IQCH: variants seen among roughly 807,000 people sequenced by gnomAD.
IQCH encodes the protein IQ motif containing H, also known as IQ domain-containing protein H.
IQCH carries 98 observed loss-of-function variants against 117.0 expected under a neutral mutation model. The ratio of observed to expected loss-of-function variants is 0.84; its 90% CI spans 0.71 to 0.99. IQCH has a LOEUF of 0.99. Ranked by LOEUF, IQCH falls within the 50% of genes least tolerant of loss-of-function variation. The pLI is 0.00. For synonymous variants in IQCH, 412 were observed against 448.2 expected, an observed-to-expected ratio of 0.92 and a Z score of 1.02; for missense variants, 1,102 against 1,243.8, an observed-to-expected ratio of 0.89 and a Z score of 1.72.
intron 16 of IQCH, among the ~76,000 whole-genome samples, chr15:67,437,822 G>A (rs573123120): frequency 1.3e-5 from 2 of 152,180 alleles, no homozygotes; most frequent in African/African-American, 2.4e-5. Flanking sequence ...ACAGGTCTTC[G>A]AATTAATGCA....
At chr15:67,335,321 A>G (rs972429160) in intron 4 of IQCH, among the ~76,000 whole-genome samples, 29 of 152,166 alleles carry the variant, frequency 1.9e-4, no homozygotes, top group African/African-American at 5.5e-4. Flanking sequence ...TTCTTTGTCA[A>G]AGGCTTTGAG....
rs1294508668 is a variant in IQCH at position 67,386,877 on chromosome 15, A to G, written c.1456+1858A>G. On this transcript the variant is annotated intron_variant, in intron 11 of 20. Transcript: ENST00000335894. The surrounding 1 kb of genome is among the most constrained non-coding windows in gnomAD (Gnocchi z 5.0). ...CCCACTAATACTGAATCTTAGAGTT[A>G]GTGATACGTATTCCTTTGCCAGAAA... is the stretch of plus-strand genomic sequence containing the variant. Among the ~76,000 whole-genome samples, 1 of 152,198 alleles carries G rather than the reference A, an allele frequency of 6.6e-6. No homozygotes were observed. Among genetic ancestry groups the G allele is most frequent in the Non-Finnish European group, 1.5e-5 (1 of 68,032 alleles).
At chr15:67,266,317 C>T (rs1965666355) in intron 3 of IQCH, among the ~76,000 whole-genome samples, 1 of 151,988 alleles carries the variant, frequency 6.6e-6, no homozygotes. Context: ...GTTGCTTAAT[C>T]TTGTTAATTA....
In IQCH at chr15:67,436,253, C is replaced by T. The variant is rs950254594; in HGVS notation, c.2505+14676C>T. Reference sequence around the variant, plus strand: ...CCAAATACTGTGAGTGCCCCAACTGCGGAAGTAGGAAAGGGAGACCCTCCT... The same window carrying T: ...CCAAATACTGTGAGTGCCCCAACTGTGGAAGTAGGAAAGGGAGACCCTCCT... On this transcript the variant is annotated intron_variant, in intron 16 of 20. Coordinates refer to ENST00000335894, the MANE Select transcript of IQCH (RefSeq NM_001031715.3). This position sits in a 1 kb window ranked among gnomAD's most constrained non-coding sequence, Gnocchi z 5.1. 6.6e-6 allele frequency among the ~76,000 whole-genome samples: 1 copy of T among 152,108 alleles called. No individual in the cohort carries two copies. The highest frequency in any genetic ancestry group is 2.4e-5 in the African/African-American group (1 of 41,420).
Position 67,479,967 on chromosome 15 carries a change from C to T in IQCH, c.2799+4149C>T, listed in dbSNP as rs1202273757. ...TGAGTTTGTAAGCAACTTGGTGGGTCTCATTCCGGGTATTTCTCTAATGCT... is the reference window on the plus strand; with the variant it reads ...TGAGTTTGTAAGCAACTTGGTGGGTTTCATTCCGGGTATTTCTCTAATGCT... On this transcript the variant is annotated intron_variant, in intron 18 of 20. Coordinates refer to ENST00000335894, the MANE Select transcript of IQCH (RefSeq NM_001031715.3). This position sits in a 1 kb window ranked among gnomAD's most constrained non-coding sequence, Gnocchi z 4.6. Among the ~76,000 whole-genome samples, 3 of 152,206 alleles carry T rather than the reference C, an allele frequency of 2.0e-5. No individual in the cohort carries two copies. Among genetic ancestry groups the T allele is most frequent in the Admixed American group, 2.0e-4 (3 of 15,286 alleles).
Position 67,400,156 on chromosome 15 carries a change from A to G in IQCH, c.1948A>G (p.Ile650Val). 6.2e-7 allele frequency: 1 copy of G among 1,613,952 alleles called. No individual in the cohort carries two copies. The highest frequency in any genetic ancestry group is 8.5e-7 in the Non-Finnish European group (1 of 1,179,914). Residue 650 changes from isoleucine to valine, a missense_variant, in exon 14 of 21, where the codon ATA becomes GTA. Physicochemically the swap from Ile to Val is conservative, Grantham distance 29. Transcript: ENST00000335894. ...TCAGCTGATAACTGATCACCTGCAA[A>G]TACAGCGTTGGCTCTTTAAAATGGA... ...LSQLITDHLQ[I>V]QRWLFKMDSE...
chr15:67,429,786 G>T (rs1042527249), intron 16 of IQCH, among the ~76,000 whole-genome samples: 6 of 152,142 alleles, frequency 3.9e-5, no homozygotes, highest in Non-Finnish European at 8.8e-5. Flanking sequence ...GGGGGCCAAG[G>T]CAAAATAGAT....
intron 4 of IQCH, among the ~76,000 whole-genome samples, chr15:67,326,908 T>C (rs1968438777): frequency 6.6e-6 from 1 of 152,234 alleles, no homozygotes; most frequent in Non-Finnish European, 1.5e-5. Flanking sequence ...CTTGCAAGCA[T>C]TGTTTTTGAA....
At chr15:67,328,144 T>C (rs143873076) in intron 4 of IQCH, among the ~76,000 whole-genome samples, 1 of 120,562 alleles carries the variant, frequency 8.3e-6, no homozygotes, top group African/African-American at 2.9e-5. Context: ...GGGGGTTTTT[T>C]GTTTGTTTGT....
In IQCH at chr15:67,500,644, T is replaced by A; in HGVS notation, c.2982T>A (p.Ala994=). The part of the protein sequence containing the change: ...QGETNFKTTI[A]DIETILRVTK... The stretch of plus-strand genomic sequence containing the variant: ...GTCTTTATTTACAGACCACCATTGC[T>A]GATATTGAAACTATTCTAAGAGTAA... The change falls in exon 21 of 21, where the codon GCT becomes GCA. Residue 994 remains alanine (A), a synonymous_variant. Transcript: ENST00000335894. The surrounding 1 kb of genome is among the most constrained non-coding windows in gnomAD (Gnocchi z 4.4). 1.3e-6 allele frequency: 2 copies of A among 1,543,780 alleles called. No homozygotes were observed. Among genetic ancestry groups the A allele is most frequent in the Non-Finnish European group, 1.8e-6 (2 of 1,120,088 alleles).
intron 10 of IQCH, 123 bp downstream of exon 10, chr15:67,373,556 T>G: frequency 1.3e-6 from 1 of 740,870 alleles, no homozygotes; most frequent in Non-Finnish European, 2.4e-6. Flanking sequence ...GAAAATGTTC[T>G]CGACATGATG....
Position 67,479,325 on chromosome 15 carries a change from G to A in IQCH, c.2799+3507G>A, listed in dbSNP as rs2083287797. On this transcript the variant is annotated intron_variant, in intron 18 of 20. Transcript: ENST00000335894. The surrounding 1 kb of genome is among the most constrained non-coding windows in gnomAD (Gnocchi z 4.6). Reference sequence around the variant, plus strand: ...CCAGGGTCATACAGCCAGGAATTTTGTGGAACTGACATTTGAACCCGTAAT... The same window carrying A: ...CCAGGGTCATACAGCCAGGAATTTTATGGAACTGACATTTGAACCCGTAAT... Among the ~76,000 whole-genome samples the A allele has an allele frequency of 6.6e-6, 1 of 152,204 alleles. No individual in the cohort carries two copies. Among genetic ancestry groups the A allele is most frequent in the Non-Finnish European group, 1.5e-5 (1 of 68,040 alleles).
chr15:67,282,864 T>C (rs1966419338), intron 4 of IQCH, among the ~76,000 whole-genome samples: 1 of 152,194 alleles, frequency 6.6e-6, no homozygotes, highest in Admixed American at 6.5e-5. Flanking sequence ...AGTTGCTCAA[T>C]TGTAATTAAG....
intron 6 of IQCH, among the ~76,000 whole-genome samples, chr15:67,354,382 A>G (rs192100147): frequency 6.6e-6 from 1 of 152,304 alleles, no homozygotes; most frequent in Admixed American, 6.5e-5. Context: ...AAAATCATTC[A>G]ATACTATTCA....
rs1172865310 is a variant in IQCH, at chr15:67,421,551, A to G, written c.2479A>G (p.Ile827Val). 6.2e-7 allele frequency: 1 copy of G among 1,614,218 alleles called. No homozygotes were observed. The highest frequency in any genetic ancestry group is 8.5e-7 in the Non-Finnish European group (1 of 1,180,022). Residue 827 changes from isoleucine (I) to valine (V), a missense_variant, in exon 16 of 21, where the codon ATA (isoleucine) becomes GTA (valine). Coordinates refer to ENST00000335894, the MANE Select transcript of IQCH (RefSeq NM_001031715.3). ...CTTTTCGATAGATCTGGTGACTTTTATAGATCCAAGCACCTTGGAACAACA... is the reference window on the plus strand; with the variant it reads ...CTTTTCGATAGATCTGGTGACTTTTGTAGATCCAAGCACCTTGGAACAACA... The part of the protein sequence containing the change: ...GYFSIDLVTF[I>V]DPSTLEQQVW...
Position 67,391,652 on chromosome 15 carries a change from AT to A in IQCH, c.1632+2650del, listed in dbSNP as rs1225235876. On this transcript the variant is annotated intron_variant, in intron 12 of 20. Transcript: ENST00000335894. This position sits in a 1 kb window ranked among gnomAD's most constrained non-coding sequence, Gnocchi z 4.3. ...TTCAATGGAACTAGACACATTTTAG[AT>A]TTTGTCATCTGTGTTAATCCACTGC... 6.6e-6 allele frequency among the ~76,000 whole-genome samples: 1 copy of A among 152,188 alleles called. No individual in the cohort carries two copies. The highest frequency in any genetic ancestry group is 1.5e-5 in the Non-Finnish European group (1 of 68,030).
chr15:67,338,699 C>A (rs1969012349), intron 5 of IQCH, among the ~76,000 whole-genome samples: 1 of 152,126 alleles, frequency 6.6e-6, no homozygotes, highest in South Asian at 2.1e-4. Context: ...TTTGCCCCAC[C>A]CCTCCAAATG....
rs1427171679 is a variant in IQCH, at chr15:67,422,110, A to C, written c.2505+533A>C. ...TGAAACTCCATCTCAAAAAAAAAAA[A>C]AAATAGTGACTGAATCTCACCCCTC... On this transcript the variant is annotated intron_variant, in intron 16 of 20. Transcript: ENST00000335894. The surrounding 1 kb of genome is among the most constrained non-coding windows in gnomAD (Gnocchi z 4.7). Among the ~76,000 whole-genome samples the C allele has an allele frequency of 2.6e-4, 39 of 151,966 alleles. No homozygotes were observed. The highest frequency in any genetic ancestry group is 9.2e-4 in the African/African-American group (38 of 41,364).
chr15:67,480,856 G>A (rs2083320342), intron 18 of IQCH, among the ~76,000 whole-genome samples: 1 of 151,960 alleles, frequency 6.6e-6, no homozygotes, highest in African/African-American at 2.4e-5. Flanking sequence ...TGTTAATGGT[G>A]TATATTAGGC....
Sources: allele counts gnomAD v4.1 joint callset (sites outside exome capture counted in the v4.1 genomes callset), GRCh38; gene constraint gnomAD v4.1.1; non-coding constraint Gnocchi (gnomAD v3.1); transcripts MANE v1.5; gene names NCBI Gene and HGNC (gene_info 2026-07-23, HGNC 2026-07-21).